SSH2: variants seen among roughly 807,000 people sequenced by gnomAD.
SSH2 encodes the protein slingshot protein phosphatase 2.
In SSH2, 37 loss-of-function variants were observed where a neutral mutation model predicts 135.2. The observed-to-expected ratio is 0.27, with a 90% CI of 0.21 to 0.36. The LOEUF (loss-of-function observed/expected upper bound fraction) is 0.36, where lower values mean the gene tolerates loss of function less well. Ranked by LOEUF, SSH2 falls within the 10% of genes least tolerant of loss-of-function variation. The pLI is 1.00. For synonymous variants in SSH2, 628 were observed against 646.2 expected (o/e 0.97, Z 0.43); for missense variants, 1,408 against 1,765.3 (o/e 0.80, Z 3.63).
intron 3 of SSH2, among the ~76,000 whole-genome samples, chr17:29,779,110 G>A (rs539209924): frequency 1.3e-3 from 195 of 152,120 alleles, no homozygotes; most frequent in African/African-American, 4.5e-3. Flanking sequence ...ACGGAAGGAA[G>A]GAAGGAAGTG....
At chr17:29,858,992 C>T (rs925049417) in intron 1 of SSH2, among the ~76,000 whole-genome samples, 3 of 152,176 alleles carry the variant, frequency 2.0e-5, no homozygotes, top group Non-Finnish European at 4.4e-5. Flanking sequence ...GAAGGTCAGC[C>T]TCAGAAGAAA....
intron 8 of SSH2, among the ~76,000 whole-genome samples, chr17:29,674,548 A>T (rs1342493573): frequency 2.0e-5 from 3 of 152,274 alleles, no homozygotes; most frequent in South Asian, 2.1e-4. Context: ...CCTGTGAAGG[A>T]AACACCTGGT....
Position 29,705,604 on chromosome 17 carries a change from T to C in SSH2, c.189-2542A>G, listed in dbSNP as rs1051787014. On this transcript the variant is annotated intron_variant, in intron 3 of 15. Transcript: ENST00000540801. ...GCTTAAAACCCTCCAAATGCTTCCT[T>C]TTGTACTTGTAAATAAAAAAACCAG... Among the ~76,000 whole-genome samples, 5 of 152,160 alleles carry C rather than the reference T, an allele frequency of 3.3e-5. No homozygotes were observed. In the South Asian group the frequency reaches 8.3e-4, roughly 25 times the overall value.
At chr17:29,854,833 G>A (rs1375986733) in intron 1 of SSH2, among the ~76,000 whole-genome samples, 3 of 152,014 alleles carry the variant, frequency 2.0e-5, no homozygotes, top group Non-Finnish European at 4.4e-5. Context: ...TGTAATCCCA[G>A]CTACTCGGGA....
At chr17:29,750,237 A>C (rs1567945674) in intron 3 of SSH2, among the ~76,000 whole-genome samples, 1 of 151,560 alleles carries the variant, frequency 6.6e-6, no homozygotes. Flanking sequence ...CAGGAGTTCG[A>C]GATCAGCCTG....
intron 2 of SSH2, among the ~76,000 whole-genome samples, chr17:29,809,669 C>T (rs1266481160): frequency 6.6e-6 from 1 of 152,106 alleles, no homozygotes; most frequent in Non-Finnish European, 1.5e-5. Flanking sequence ...GATTCCCCCA[C>T]CTCAGCCTCC....
At chr17:29,789,913 C>A (rs1340037956) in intron 3 of SSH2, among the ~76,000 whole-genome samples, 3 of 152,174 alleles carry the variant, frequency 2.0e-5, no homozygotes, top group Admixed American at 6.5e-5. Flanking sequence ...GCTTACCTCA[C>A]CATGGTATTT....
chr17:29,816,878 C>T (rs1251780127), intron 2 of SSH2, among the ~76,000 whole-genome samples: 1 of 152,086 alleles, frequency 6.6e-6, no homozygotes, highest in African/African-American at 2.4e-5. Flanking sequence ...CAGTTAAACA[C>T]TCCTGGTTTT....
chr17:29,906,309 T>C (rs1335973297), intron 1 of SSH2, among the ~76,000 whole-genome samples: 4 of 152,132 alleles, frequency 2.6e-5, no homozygotes, highest in Non-Finnish European at 5.9e-5. Flanking sequence ...TGGCTAGCCA[T>C]ATGCAGGAAA....
intron 1 of SSH2, among the ~76,000 whole-genome samples, chr17:29,926,431 G>A (rs920742844): frequency 8.6e-5 from 13 of 151,674 alleles, no homozygotes; most frequent in Admixed American, 3.9e-4. Flanking sequence ...GTGCGTGCCC[G>A]TAGTCCCAGC....
rs118100496 is a variant in SSH2, at chr17:29,800,372, G to A, written c.145-6435C>T. ...TCTTATTTAATAAGAGTAACTATCGGGTAATGCAGTTATCTTGAACAATAG... is the reference window on the plus strand; with the variant it reads ...TCTTATTTAATAAGAGTAACTATCGAGTAATGCAGTTATCTTGAACAATAG... On this transcript the variant is annotated intron_variant, in intron 2 of 15. Transcript: ENST00000540801. Among the ~76,000 whole-genome samples the A allele has an allele frequency of 2.0e-3, 298 of 152,232 alleles. 8 individuals carry two copies. The East Asian group carries it at 0.051, about 26-fold the overall frequency.
chr17:29,738,769 T>C (rs554294654), intron 3 of SSH2, among the ~76,000 whole-genome samples: 3 of 152,054 alleles, frequency 2.0e-5, no homozygotes, highest in African/African-American at 4.8e-5. Flanking sequence ...TTAGCCAGGA[T>C]GGTCTCAATC....
At chr17:29,761,002 C>T (rs1346943283) in intron 3 of SSH2, 8 of 769,966 alleles carry the variant, frequency 1.0e-5, no homozygotes, top group Non-Finnish European at 1.3e-5. Flanking sequence ...AGCATCCTTC[C>T]CTCCAGACGC....
intron 1 of SSH2, among the ~76,000 whole-genome samples, chr17:29,865,284 G>A (rs2065834528): frequency 6.6e-6 from 1 of 152,226 alleles, no homozygotes; most frequent in African/African-American, 2.4e-5. Flanking sequence ...CACTGCAGCT[G>A]TGTGGAGAGA....
At chr17:29,732,940 G>A (rs2040247053) in intron 3 of SSH2, among the ~76,000 whole-genome samples, 1 of 152,286 alleles carries the variant, frequency 6.6e-6, no homozygotes, top group African/African-American at 2.4e-5. Flanking sequence ...CACTTTCCAG[G>A]ACTGCCTGCC....
Position 29,861,632 on chromosome 17 carries a change from C to T in SSH2, c.64-12703G>A, listed in dbSNP as rs1367482682. Among the ~76,000 whole-genome samples the T allele has an allele frequency of 9.9e-5, 15 of 151,854 alleles. No homozygotes were observed. The South Asian group carries it at 1.2e-3, about 13-fold the overall frequency. ...AGGCTAGAGTGCAGTGGTGCGATCT[C>T]GGCTCACTGCAACCTTCCACTGCCG... On this transcript the variant is annotated intron_variant, in intron 1 of 15. Transcript: ENST00000540801.
intron 6 of SSH2, among the ~76,000 whole-genome samples, chr17:29,678,434 T>C (rs1476708843): frequency 6.6e-6 from 1 of 152,184 alleles, no homozygotes; most frequent in African/African-American, 2.4e-5. Context: ...GCTGGAGAGC[T>C]TGGGATGTGT....
At chr17:29,690,025 A>AG (rs1045941866) in intron 5 of SSH2, among the ~76,000 whole-genome samples, 1 of 151,330 alleles carries the variant, frequency 6.6e-6, no homozygotes, top group Non-Finnish European at 1.5e-5. Flanking sequence ...AAAAAAAAAA[A>AG]AAAAAAAAAA....
chr17:29,666,647 C>T (rs1208245097), intron 11 of SSH2, among the ~76,000 whole-genome samples: 2 of 152,198 alleles, frequency 1.3e-5, no homozygotes, highest in African/African-American at 2.4e-5. Context: ...CGTGCCACCG[C>T]ACTCCAGCCT....
Sources: gnomAD v4.1 joint callset for allele counts (sites outside exome capture counted in the v4.1 genomes callset) on GRCh38, gnomAD v4.1.1 for gene constraint, MANE v1.5 for transcripts, NCBI Gene and HGNC (gene_info 2026-07-23, HGNC 2026-07-21) for gene names.